The following COMMD2 variants were observed in gnomAD, a reference collection of about 807,000 sequenced individuals.
COMMD2 encodes COMM domain-containing protein 2.
COMMD2 carries 25 observed loss-of-function variants against 22.5 expected under a neutral mutation model. The observed-to-expected ratio is 1.11, with a 90% confidence interval of 0.81 to 1.55. The LOEUF (loss-of-function observed/expected upper bound fraction) is 1.55, where lower values mean the gene tolerates loss of function less well. COMMD2 is among the 40% of genes most tolerant of loss of function. The probability of loss-of-function intolerance (pLI) is 0.00; values close to 1 mark genes in which losing one functional copy is unlikely to be tolerated. For synonymous variants in COMMD2, 98 were observed against 91.2 expected (o/e 1.07, Z -0.42); for missense variants, 223 against 232.9 (o/e 0.96, Z 0.28).
At position 149,751,401 on chromosome 3, in the gene COMMD2, A is replaced by G. The variant is rs759046334; in HGVS notation, c.228+2T>C. On this transcript the variant is annotated splice_donor_variant, in intron 3 of 4. Transcript: ENST00000473414. LOFTEE classifies it high-confidence loss of function. ...CACAAAACAGTCCAGAAAATCCCTT[A>G]CCATGAGCTTTGAGCTCTCAGTGAG... 6.2e-7 allele frequency: 1 copy of G among 1,613,974 alleles called. No homozygotes were observed. The highest frequency in any genetic ancestry group is 1.3e-5 in the African/African-American group (1 of 74,930).
At chr3:149,751,831 C>CT (rs11354448) in intron 2 of COMMD2, 8,760 of 196,542 alleles carry the variant, frequency 0.045, 291 homozygotes, top group African/African-American at 0.11. Context: ...TAAAACAACA[C>CT]TTTTTTTTTT....
chr3:149,752,469 G>A lies in COMMD2; in HGVS notation c.-25C>T, dbSNP rs371002136. 18 of 1,601,898 alleles carry A rather than the reference G, an allele frequency of 1.1e-5. No individual in the cohort carries two copies. Among genetic ancestry groups the A allele is most frequent in the East Asian group, 2.2e-5 (1 of 44,546 alleles). On this transcript the variant is annotated 5_prime_UTR_variant, in exon 1 of 5. Transcript: ENST00000473414. ...TCTTCACTGTCCTACGATTTCACCC[G>A]GCAGCGCCGACCCCGCCTTCGCCAC...
Position 149,740,884 on chromosome 3 carries a change from C to G in COMMD2, c.*637G>C, listed in dbSNP as rs1716192445. The G allele has an allele frequency of 6.6e-6, 1 of 152,520 alleles. No individual in the cohort carries two copies. The highest frequency in any genetic ancestry group is 1.5e-5 in the Non-Finnish European group (1 of 68,018). The allele number at this position is 152,520 out of a possible 1,614,324, so 9.4% of individuals were successfully genotyped here. A position where few individuals can be genotyped will look rare whatever the true frequency, so the allele number is the denominator to read the frequency against. On this transcript the variant is annotated 3_prime_UTR_variant, in exon 5 of 5. Transcript: ENST00000473414. ...CATATAGATTCATTTCTAGTTGATT[C>G]AATCCTATTTATGTATTTAAAATAC...
At position 149,742,563 on chromosome 3, in the gene COMMD2, TG is replaced by T. The variant is rs546493659; in HGVS notation, c.403-846del. ...AGAAAAGAAATGAACTACAGCAACA[TG>T]GGTTATCATAGAAGAAATGAAAATG... is the stretch of plus-strand genomic sequence containing the variant. On this transcript the variant is annotated intron_variant, in intron 4 of 4. Transcript: ENST00000473414. 3.3e-5 allele frequency among the ~76,000 whole-genome samples: 5 copies of T among 152,070 alleles called. No homozygotes were observed. In the South Asian group the frequency reaches 6.2e-4, roughly 19 times the overall value.
At chr3:149,746,226 T>C (rs1716360705) in intron 4 of COMMD2, among the ~76,000 whole-genome samples, 1 of 151,594 alleles carries the variant, frequency 6.6e-6, no homozygotes, top group South Asian at 2.1e-4. Flanking sequence ...AATTTCCTAC[T>C]TTTTTTTTCA....
At chr3:149,747,905 GC>G (rs1368152388) in intron 4 of COMMD2, among the ~76,000 whole-genome samples, 2 of 134,898 alleles carry the variant, frequency 1.5e-5, no homozygotes, top group Admixed American at 8.8e-5. Context: ...CTGAGATCGC[GC>G]CACTGCACTC....
rs761306157 is a variant in COMMD2 at position 149,739,219 on chromosome 3, T to G, written c.*2302A>C. On this transcript the variant is annotated 3_prime_UTR_variant, in exon 5 of 5. Coordinates refer to ENST00000473414, the MANE Select transcript of COMMD2 (RefSeq NM_016094.4). Reference sequence around the variant, plus strand: ...CATACTGGAGAGAACAGTGACTACCTCTAAAGAAAATTATGTTCATATACA... The same window carrying G: ...CATACTGGAGAGAACAGTGACTACCGCTAAAGAAAATTATGTTCATATACA... 3.3e-5 allele frequency: 5 copies of G among 152,150 alleles called. No individual in the cohort carries two copies. The highest frequency in any genetic ancestry group is 7.4e-5 in the Non-Finnish European group (5 of 68,012). The allele number at this position is 152,150 out of a possible 1,614,324, so 9.4% of individuals were successfully genotyped here.
chr3:149,748,221 G>A (rs1716430356), intron 4 of COMMD2, among the ~76,000 whole-genome samples: 1 of 152,188 alleles, frequency 6.6e-6, no homozygotes, highest in African/African-American at 2.4e-5. Flanking sequence ...AGAGGAACAG[G>A]AGAGAAGACA....
At position 149,741,613 on chromosome 3, in the gene COMMD2, C is replaced by T; in HGVS notation, c.508G>A (p.Ala170Thr). 1.9e-6 allele frequency: 3 copies of T among 1,614,002 alleles called. No homozygotes were observed. Among genetic ancestry groups the T allele is most frequent in the Non-Finnish European group, 1.7e-6 (2 of 1,179,996 alleles). The change falls in exon 5 of 5, where the codon GCC becomes ACC. Residue 170 changes from alanine (A) to threonine (T), a missense_variant. Transcript: ENST00000473414. ...HNTKVLQTDP[A>T]TLLHLVQQLE... ...TGTTGAACCAAATGGAGCAGGGTGGCTGGGTCTGTCTGCAGAACTTTGGTG... is the reference window on the plus strand; with the variant it reads ...TGTTGAACCAAATGGAGCAGGGTGGTTGGGTCTGTCTGCAGAACTTTGGTG...
chr3:149,749,214 G>C (rs1439999083), intron 4 of COMMD2, among the ~76,000 whole-genome samples: 1 of 152,118 alleles, frequency 6.6e-6, no homozygotes, highest in African/African-American at 2.4e-5. Context: ...AGGTTGGCCA[G>C]GCCGGTCTCG....
chr3:149,750,046 C>A (rs565324545), intron 4 of COMMD2, among the ~76,000 whole-genome samples: 12 of 152,198 alleles, frequency 7.9e-5, no homozygotes, highest in Admixed American at 2.0e-4. Context: ...TCTACTAACT[C>A]ATCTCTCTCT....
At chr3:149,745,226 G>A (rs772411444) in intron 4 of COMMD2, among the ~76,000 whole-genome samples, 2 of 152,148 alleles carry the variant, frequency 1.3e-5, no homozygotes, top group Non-Finnish European at 2.9e-5. Flanking sequence ...TGCTTATGAT[G>A]TCCCCCAGAC....
Position 149,751,489 on chromosome 3 carries a change from A to ATTTTTGGGTTTGCGCCGCGTCTCAG in COMMD2, c.146-5_146-4insCTGAGACGCGGCGCAAACCCAAAAA. ...TCACTACTCACATTGAGTTTTCCTG[A>ATTTTTGGGTTTGCGCCGCGTCTCAG]GAAAGAAAAGTAAAAACGAGCAAAT... On this transcript the variant is annotated splice_region_variant and splice_polypyrimidine_tract_variant and intron_variant, in intron 2 of 4. Transcript: ENST00000473414. 1.3e-6 allele frequency: 2 copies of ATTTTTGGGTTTGCGCCGCGTCTCAG among 1,582,480 alleles called. No individual in the cohort carries two copies. The highest frequency in any genetic ancestry group is 1.7e-4 in the Middle Eastern group (1 of 5,920).
At chr3:149,751,571 T>A in intron 2 of COMMD2, 86 bp from the exon 3 acceptor site, 1 of 1,188,966 alleles carries the variant, frequency 8.4e-7, no homozygotes, top group East Asian at 2.6e-5. Context: ...TAAACACTAT[T>A]CATTATTACA....
chr3:149,742,921 G>A (rs753867600), intron 4 of COMMD2, among the ~76,000 whole-genome samples: 25 of 150,132 alleles, frequency 1.7e-4, no homozygotes, highest in Non-Finnish European at 3.4e-4. Flanking sequence ...AGCCAAGATC[G>A]TGCCATTGCA....
rs116067075 is a variant in COMMD2 at position 149,739,766 on chromosome 3, A to G, written c.*1755T>C. 9.8e-4 allele frequency: 150 copies of G among 152,350 alleles called. No homozygotes were observed. Among genetic ancestry groups the G allele is most frequent in the Middle Eastern group, 3.4e-3 (1 of 294 alleles). The allele number at this position is 152,350 out of a possible 1,614,324, so 9.4% of individuals were successfully genotyped here. A position where few individuals can be genotyped will look rare whatever the true frequency, so the allele number is the denominator to read the frequency against. ...CTTTTTGTTTGTGAGGTTGTATATG[A>G]GAGCTTCATTAATCAAGTTGCCACT... On this transcript the variant is annotated 3_prime_UTR_variant, in exon 5 of 5. Transcript: ENST00000473414.
At chr3:149,747,376 A>G (rs1409528847) in intron 4 of COMMD2, among the ~76,000 whole-genome samples, 1 of 152,240 alleles carries the variant, frequency 6.6e-6, no homozygotes, top group Non-Finnish European at 1.5e-5. Context: ...AGATAGAATC[A>G]GCAAAGGAGA....
rs1462383947 is a variant in COMMD2, at chr3:149,739,406, A to C, written c.*2115T>G. 1 of 152,222 alleles carries C rather than the reference A, an allele frequency of 6.6e-6. No individual in the cohort carries two copies. Among genetic ancestry groups the C allele is most frequent in the African/African-American group, 2.4e-5 (1 of 41,472 alleles). 9.4% of individuals were successfully genotyped at this position (152,222 alleles called of 1,614,324 possible). On this transcript the variant is annotated 3_prime_UTR_variant, in exon 5 of 5. Coordinates refer to ENST00000473414, the MANE Select transcript of COMMD2 (RefSeq NM_016094.4). ...AAGGTAGGCAAACTGCTCCCAACTC[A>C]CCCTGGTCTCAAAAGGTGAAGAAGG...
rs1046899426 is a variant in COMMD2, at chr3:149,738,956, A to G, written c.*2565T>C. 1 of 152,214 alleles carries G rather than the reference A, an allele frequency of 6.6e-6. No homozygotes were observed. The highest frequency in any genetic ancestry group is 2.4e-5 in the African/African-American group (1 of 41,458). 9.4% of individuals were successfully genotyped at this position (152,214 alleles called of 1,614,324 possible). A position where few individuals can be genotyped will look rare whatever the true frequency, so the allele number is the denominator to read the frequency against. Reference sequence around the variant, plus strand: ...TTGACATTTTGTGAAACATTTAAGGAGACTTCCAAGGAATGTAACATATGT... The same window carrying G: ...TTGACATTTTGTGAAACATTTAAGGGGACTTCCAAGGAATGTAACATATGT... On this transcript the variant is annotated 3_prime_UTR_variant, in exon 5 of 5. Coordinates refer to ENST00000473414, the MANE Select transcript of COMMD2 (RefSeq NM_016094.4).
Sources: allele counts gnomAD v4.1 joint callset (sites outside exome capture counted in the v4.1 genomes callset), GRCh38; gene constraint gnomAD v4.1.1; transcripts MANE v1.5; gene names NCBI Gene and HGNC (gene_info 2026-07-23, HGNC 2026-07-21).